Variants in CRYBG1 observed in about 807,000 individuals in gnomAD.
CRYBG1 encodes the protein crystallin beta-gamma domain containing 1.
Under a neutral mutation model 189.2 loss-of-function variants are expected in CRYBG1, and 139 were observed. The observed-to-expected ratio is 0.73, with a 90% CI of 0.64 to 0.85. The LOEUF is 0.85. Ranked by LOEUF, CRYBG1 falls within the 40% of genes least tolerant of loss-of-function variation. The probability of loss-of-function intolerance (pLI) is 0.00; values close to 1 mark genes in which losing one functional copy is unlikely to be tolerated. For missense variants in CRYBG1, 2,611 were observed against 2,675.8 expected, an observed-to-expected ratio of 0.98 and a Z score of 0.53; for synonymous variants, 1,023 against 1,017.1, an observed-to-expected ratio of 1.01 and a Z score of -0.11.
chr6:106,381,913 A>G (rs1252897959), intron 1 of CRYBG1, among the ~76,000 whole-genome samples: 2 of 152,202 alleles, frequency 1.3e-5, no homozygotes, highest in Non-Finnish European at 2.9e-5. Flanking sequence ...ATCTAGTTAC[A>G]GGGGTACAGC....
At chr6:106,498,096 G>A (rs1245090672) in intron 2 of CRYBG1, among the ~76,000 whole-genome samples, 8 of 117,120 alleles carry the variant, frequency 6.8e-5, no homozygotes, top group African/African-American at 1.3e-4. Flanking sequence ...GCGAGACTCC[G>A]TCTTAAAAAA....
Position 106,476,423 on chromosome 6 carries a change from T to C in CRYBG1, c.312+24591T>C, listed in dbSNP as rs574190376. 3.3e-5 allele frequency among the ~76,000 whole-genome samples: 5 copies of C among 152,254 alleles called. No individual in the cohort carries two copies. The East Asian group carries it at 5.8e-4, about 18-fold the overall frequency. On this transcript the variant is annotated intron_variant, in intron 2 of 21. Transcript: ENST00000633556. ...TCAAGGCCCTTTTCAGCTCTAACAT[T>C]CTATAATTATATAAGTTAGATCTAA...
At chr6:106,506,510 T>C (rs1441119319) in intron 2 of CRYBG1, among the ~76,000 whole-genome samples, 2 of 134,390 alleles carry the variant, frequency 1.5e-5, no homozygotes, top group Non-Finnish European at 3.1e-5. Context: ...TGGAGTACAA[T>C]GATGTGATCT....
chr6:106,542,868 C>G (rs1774164810), intron 10 of CRYBG1, among the ~76,000 whole-genome samples: 1 of 142,618 alleles, frequency 7.0e-6, no homozygotes, highest in South Asian at 2.2e-4. Context: ...AGGTTGGTCT[C>G]AAACTCCTGA....
intron 1 of CRYBG1, among the ~76,000 whole-genome samples, chr6:106,436,444 G>GC (rs1382678625): frequency 5.3e-5 from 8 of 152,124 alleles, no homozygotes; most frequent in Non-Finnish European, 8.8e-5. Context: ...GACTACAGGC[G>GC]CCGCCACCTC....
intron 1 of CRYBG1, among the ~76,000 whole-genome samples, chr6:106,427,286 T>C (rs1468490559): frequency 6.6e-6 from 1 of 152,232 alleles, no homozygotes; most frequent in Non-Finnish European, 1.5e-5. Flanking sequence ...GAATGTCTAA[T>C]ATGCTTTTGT....
Position 106,521,362 on chromosome 6 carries a change from C to T in CRYBG1, c.4154C>T (p.Ala1385Val), listed in dbSNP as rs1207881446. ...SVIKSNLPNC[A>V]NSDTDFMGLF... ...ATTAAATCAAACTTGCCAAACTGTG[C>T]AAACAGTGACACCGACTTCATGGGT... Residue 1385 changes from alanine (A) to valine (V), a missense_variant, in exon 4 of 22, where the codon GCA (alanine) becomes GTA (valine). By Grantham distance (64) the Ala-to-Val change is moderately conservative. Around this residue, in one of 3 missense-constraint regions of CRYBG1, gnomAD observed 1,622 missense variants for 1,735.0 expected, o/e 0.93. Transcript: ENST00000633556. The T allele has an allele frequency of 6.2e-7, 1 of 1,613,990 alleles. No homozygotes were observed. Among genetic ancestry groups the T allele is most frequent in the East Asian group, 2.2e-5 (1 of 44,884 alleles).
Position 106,520,681 on chromosome 6 carries a change from C to A in CRYBG1, c.3473C>A (p.Thr1158Asn), listed in dbSNP as rs1562102102. 2 of 1,614,140 alleles carry A rather than the reference C, an allele frequency of 1.2e-6. No individual in the cohort carries two copies. Among genetic ancestry groups the A allele is most frequent in the Middle Eastern group, 3.3e-4 (2 of 6,062 alleles). Residue 1158 changes from threonine (T) to asparagine (N), a missense_variant, in exon 4 of 22, where the codon ACC (threonine) becomes AAC (asparagine). Transcript: ENST00000633556. ...AAGGTGTTTGATCCCAAAGTGTTTA[C>A]CTTTGGTTTGGGGAAGAAGAAGGAA... ...LEKVFDPKVF[T>N]FGLGKKKESQ...
chr6:106,416,876 T>C (rs1022011736), intron 1 of CRYBG1, among the ~76,000 whole-genome samples: 9 of 152,126 alleles, frequency 5.9e-5, no homozygotes, highest in African/African-American at 2.2e-4. Flanking sequence ...CACTGAAAAA[T>C]ATGTTATCTC....
At chr6:106,461,473 T>C (rs9486354) in intron 2 of CRYBG1, among the ~76,000 whole-genome samples, 312 of 152,310 alleles carry the variant, frequency 2.0e-3, no homozygotes, top group African/African-American at 7.2e-3. Flanking sequence ...GATGCTCACT[T>C]GTGTTTCTGA....
intron 2 of CRYBG1, among the ~76,000 whole-genome samples, chr6:106,505,471 C>T (rs117790349): frequency 0.01 from 1,563 of 152,120 alleles, 24 homozygotes; most frequent in African/African-American, 0.034. Context: ...TTAAGTGATC[C>T]GCTGGCCTCA....
chr6:106,521,963 G>C (rs997287579), intron 4 of CRYBG1, among the ~76,000 whole-genome samples: 1 of 152,050 alleles, frequency 6.6e-6, no homozygotes, highest in Non-Finnish European at 1.5e-5. Flanking sequence ...TCGAACTCCT[G>C]ACCTCGTGAT....
chr6:106,555,352 G>A (rs1774510536), intron 16 of CRYBG1, among the ~76,000 whole-genome samples: 1 of 152,040 alleles, frequency 6.6e-6, no homozygotes, highest in Non-Finnish European at 1.5e-5. Context: ...ATAGAGGAGT[G>A]TGCGAGAAAT....
rs1355095453 is a variant in CRYBG1, at chr6:106,391,927, ACGTGTGTG to A, written c.173+30847_173+30854del. 7.7e-5 allele frequency among the ~76,000 whole-genome samples: 10 copies of A among 130,202 alleles called. 1 individual carries two copies. In the East Asian group the frequency reaches 1.6e-3, roughly 21 times the overall value. The allele number at this position is 130,202 out of a possible 152,430, so 85.4% of individuals were successfully genotyped here. On this transcript the variant is annotated intron_variant, in intron 1 of 21. Transcript: ENST00000633556. ...CGTTTCCAAAAGCCTGTTGTTTAAA[ACGTGTGTG>A]TGTGTGTGTGTGTGTGTGTGTGTGT...
intron 1 of CRYBG1, among the ~76,000 whole-genome samples, chr6:106,437,216 A>G (rs7749742): frequency 0.4 from 60,242 of 151,926 alleles, 12,260 homozygotes; most frequent in East Asian, 0.56. Flanking sequence ...TATTTCTTCA[A>G]ATGCTTTATT....
intron 1 of CRYBG1, among the ~76,000 whole-genome samples, chr6:106,400,862 G>T (rs1042223595): frequency 7.2e-5 from 11 of 152,132 alleles, no homozygotes; most frequent in African/African-American, 2.7e-4. Context: ...GAACTAAGTC[G>T]CAAAGTAGGT....
intron 1 of CRYBG1, among the ~76,000 whole-genome samples, chr6:106,377,725 C>T (rs1378298439): frequency 1.3e-5 from 2 of 151,294 alleles, no homozygotes; most frequent in South Asian, 4.2e-4. Flanking sequence ...CTTTGCTGAT[C>T]AGATATTCAC....
rs373487410 is a variant in CRYBG1 at position 106,560,889 on chromosome 6, G to A, written c.5942G>A (p.Gly1981Asp). The change falls in exon 19 of 22, where the codon GGC becomes GAC. Residue 1981 changes from glycine to aspartate, a missense_variant. By Grantham distance (94) the Gly-to-Asp change is moderately conservative (BLOSUM62 -1). Transcript: ENST00000633556. ...AEVPNWYEFS[G>D]CRQIGSLRPF... ...GTACCTAATTGGTATGAATTCAGTG[G>A]CTGTCGCCAAATAGGTTCTCTACGA... 2 of 1,612,634 alleles carry A rather than the reference G, an allele frequency of 1.2e-6. No homozygotes were observed. The highest frequency in any genetic ancestry group is 2.2e-5 in the East Asian group (1 of 44,752).
At chr6:106,486,432 A>C (rs1212953950) in intron 2 of CRYBG1, among the ~76,000 whole-genome samples, 1 of 152,052 alleles carries the variant, frequency 6.6e-6, no homozygotes, top group Non-Finnish European at 1.5e-5. Flanking sequence ...CAGCTATTGG[A>C]TGGAATGTTC....
Sources: gnomAD v4.1 joint callset for allele counts (sites outside exome capture counted in the v4.1 genomes callset) on GRCh38, gnomAD v4.1.1 for gene constraint, gnomAD v4.1.1 regional missense constraint, MANE v1.5 for transcripts, NCBI Gene and HGNC (gene_info 2026-07-23, HGNC 2026-07-21) for gene names.